Variants in LRP1B observed in about 807,000 individuals in gnomAD.
The protein encoded by LRP1B is low-density lipoprotein receptor-related protein 1B.
LRP1B carries 217 observed loss-of-function variants against 556.6 expected under a neutral mutation model. The observed-to-expected ratio is 0.39, with a 90% CI of 0.35 to 0.44. The LOEUF (loss-of-function observed/expected upper bound fraction) is 0.44, where lower values mean the gene tolerates loss of function less well. LRP1B is among the 20% of genes least tolerant of loss of function. The probability of loss-of-function intolerance (pLI) is 1.00; values close to 1 mark genes in which losing one functional copy is unlikely to be tolerated. For synonymous variants in LRP1B, 2,047 were observed against 1,865.8 expected (o/e 1.10, Z -2.50); for missense variants, 5,053 against 5,620.8 (o/e 0.90, Z 3.23).
chr2:140,566,459 T>G (rs531808196), intron 43 of LRP1B, among the ~76,000 whole-genome samples: 9 of 152,252 alleles, frequency 5.9e-5, no homozygotes, highest in Non-Finnish European at 1.2e-4. Context: ...TTCTAGCCAC[T>G]GCTGCACTTG....
chr2:141,774,217 A>G (rs982341052), intron 2 of LRP1B, among the ~76,000 whole-genome samples: 1 of 152,196 alleles, frequency 6.6e-6, no homozygotes, highest in African/African-American at 2.4e-5. Flanking sequence ...TGCTATAAAT[A>G]AATACCTGAG....
At chr2:140,872,192 G>A (rs1440852678) in intron 25 of LRP1B, among the ~76,000 whole-genome samples, 1 of 150,796 alleles carries the variant, frequency 6.6e-6, no homozygotes, top group Admixed American at 6.6e-5. Flanking sequence ...TGCTGCATGA[G>A]GGACCTAAAA....
intron 72 of LRP1B, among the ~76,000 whole-genome samples, chr2:140,361,610 C>A (rs893402991): frequency 2.6e-5 from 4 of 151,024 alleles, no homozygotes; most frequent in African/African-American, 9.7e-5. Context: ...ACTTTGGTGT[C>A]TCTGGTGCCT....
chr2:140,744,542 C>G (rs1282119641), intron 35 of LRP1B, among the ~76,000 whole-genome samples: 1 of 152,162 alleles, frequency 6.6e-6, no homozygotes, highest in Non-Finnish European at 1.5e-5. Flanking sequence ...CACAGAGCGG[C>G]AATTTACTTG....
intron 7 of LRP1B, among the ~76,000 whole-genome samples, chr2:141,144,303 C>A (rs1419603556): frequency 6.6e-6 from 1 of 152,160 alleles, no homozygotes; most frequent in African/African-American, 2.4e-5. Flanking sequence ...TATCCTACAT[C>A]ACATAGCCAA....
intron 49 of LRP1B, among the ~76,000 whole-genome samples, chr2:140,522,071 C>T (rs1023161459): frequency 5.3e-5 from 8 of 151,994 alleles, no homozygotes; most frequent in South Asian, 2.1e-4. Flanking sequence ...TGTAATTCAA[C>T]ACTTGACCTA....
At chr2:141,362,779 A>C (rs1487956233) in intron 3 of LRP1B, among the ~76,000 whole-genome samples, 1 of 152,070 alleles carries the variant, frequency 6.6e-6, no homozygotes, top group Non-Finnish European at 1.5e-5. Flanking sequence ...CAGAAGAAAG[A>C]AAGCTTCTAA....
At chr2:141,266,721 C>T (rs1684904784) in intron 3 of LRP1B, among the ~76,000 whole-genome samples, 1 of 152,042 alleles carries the variant, frequency 6.6e-6, no homozygotes, top group African/African-American at 2.4e-5. Flanking sequence ...ACTTTAGATT[C>T]TGATTTATTT....
chr2:140,337,779 C>T (rs1195041512), intron 77 of LRP1B, among the ~76,000 whole-genome samples: 1 of 151,778 alleles, frequency 6.6e-6, no homozygotes, highest in Non-Finnish European at 1.5e-5. Context: ...CATGGTATCC[C>T]TGGTAAAATA....
intron 2 of LRP1B, among the ~76,000 whole-genome samples, chr2:141,621,041 T>G (rs144332671): frequency 1.8e-4 from 28 of 152,338 alleles, no homozygotes; most frequent in African/African-American, 6.3e-4. Context: ...ATGATGCTTT[T>G]TATTTACATC....
intron 1 of LRP1B, among the ~76,000 whole-genome samples, chr2:141,934,433 C>G (rs1700581560): frequency 2.0e-5 from 3 of 152,070 alleles, no homozygotes; most frequent in African/African-American, 7.2e-5. Flanking sequence ...GAGGAGGATA[C>G]ATACAAAGAA....
chr2:141,930,499 T>C (rs1700469078), intron 1 of LRP1B, among the ~76,000 whole-genome samples: 1 of 152,010 alleles, frequency 6.6e-6, no homozygotes, highest in Non-Finnish European at 1.5e-5. Flanking sequence ...GACTATTTAG[T>C]GAACTGCCAC....
intron 77 of LRP1B, among the ~76,000 whole-genome samples, chr2:140,340,900 A>G (rs1573816996): frequency 6.6e-6 from 1 of 151,672 alleles, no homozygotes; most frequent in East Asian, 1.9e-4. Context: ...CAATCATCTT[A>G]CCTACATAAC....
intron 2 of LRP1B, among the ~76,000 whole-genome samples, chr2:141,579,947 G>A (rs557848090): frequency 1.3e-5 from 2 of 152,000 alleles, no homozygotes; most frequent in Non-Finnish European, 2.9e-5. Flanking sequence ...TAATCCACCC[G>A]TCTGGGCCTC....
Position 141,037,027 on chromosome 2 carries a change from CT to C in LRP1B, c.1789+11958del, listed in dbSNP as rs553072838. ...AGACTGGCACAAGAGAAAAGAGAAC[CT>C]TTTTTTGCATCCACCATGAATCTTC... is the stretch of plus-strand genomic sequence containing the variant. On this transcript the variant is annotated intron_variant, in intron 11 of 90. Transcript: ENST00000389484. 2.0e-5 allele frequency among the ~76,000 whole-genome samples: 3 copies of C among 151,992 alleles called. No individual in the cohort carries two copies. In the South Asian group the frequency reaches 6.2e-4, roughly 32 times the overall value.
At chr2:140,727,574 A>G (rs138758801) in intron 35 of LRP1B, among the ~76,000 whole-genome samples, 96 of 152,304 alleles carry the variant, frequency 6.3e-4, no homozygotes, top group Non-Finnish European at 1.2e-3. Flanking sequence ...TGGATTAGAT[A>G]AGATGTGCAA....
At chr2:140,696,925 T>C (rs1423209742) in intron 41 of LRP1B, among the ~76,000 whole-genome samples, 3 of 152,194 alleles carry the variant, frequency 2.0e-5, no homozygotes, top group Non-Finnish European at 2.9e-5. Flanking sequence ...AATAATTTTA[T>C]ATTAAAATCA....
intron 7 of LRP1B, among the ~76,000 whole-genome samples, chr2:141,096,687 AG>A (rs1700330404): frequency 8.5e-6 from 1 of 117,646 alleles, no homozygotes; most frequent in African/African-American, 3.0e-5. Flanking sequence ...AGAGAGAGAG[AG>A]AGAAAATAAA....
chr2:140,961,449 T>C lies in LRP1B; in HGVS notation c.2888-9509A>G, dbSNP rs145100132. The stretch of plus-strand genomic sequence containing the variant: ...AATGAAATAAAATCAAAATCACCCT[T>C]TATCTGAACATAAGGAAAACACAAA... On this transcript the variant is annotated intron_variant, in intron 18 of 90. Transcript: ENST00000389484. 2.9e-3 allele frequency among the ~76,000 whole-genome samples: 446 copies of C among 152,118 alleles called. 2 individuals are homozygous for C. Among genetic ancestry groups the C allele is most frequent in the African/African-American group, 0.011 (437 of 41,558 alleles).
Sources: gnomAD v4.1 joint callset for allele counts (sites outside exome capture counted in the v4.1 genomes callset) on GRCh38, gnomAD v4.1.1 for gene constraint, MANE v1.5 for transcripts, NCBI Gene and HGNC (gene_info 2026-07-23, HGNC 2026-07-21) for gene names.